MAML2: variants seen among roughly 807,000 people sequenced by gnomAD.
MAML2 encodes the protein mastermind like transcriptional coactivator 2, also known as mastermind-like protein 2.
A neutral mutation model predicts 96.1 loss-of-function variants in MAML2; 22 were observed. That is an observed-to-expected ratio of 0.23 (90% CI 0.16 to 0.33). MAML2 has a LOEUF of 0.33. MAML2 is among the 10% of genes least tolerant of loss of function. The pLI, the probability that MAML2 is intolerant of heterozygous loss-of-function variation, is 1.00. For synonymous variants in MAML2, 561 were observed against 521.3 expected (o/e 1.08, Z -1.04); for missense variants, 1,367 against 1,392.4 (o/e 0.98, Z 0.29).
chr11:95,994,441 T>C (rs760326023), intron 2 of MAML2, among the ~76,000 whole-genome samples: 8 of 152,110 alleles, frequency 5.3e-5, no homozygotes, highest in Middle Eastern at 3.2e-3. Flanking sequence ...TGAGGGTCAT[T>C]GACAGAATGG....
In MAML2 at chr11:96,299,060, A is replaced by AAATATAT. The variant is rs55878534; in HGVS notation, c.513+42322_513+42323insATATATT. Among the ~76,000 whole-genome samples the AAATATAT allele has an allele frequency of 8.2e-4, 46 of 56,336 alleles. 1 individual carries two copies. The highest frequency in any genetic ancestry group is 1.1e-3 in the African/African-American group (12 of 11,182). 37.0% of individuals were successfully genotyped at this position (56,336 alleles called of 152,430 possible). On this transcript the variant is annotated intron_variant, in intron 1 of 4. Coordinates refer to ENST00000524717, the MANE Select transcript of MAML2 (RefSeq NM_032427.4). ...AGTCCATCTCAAAAAAAAAAAAAAAAATATATATATATATATATATAAAAT... is the reference window on the plus strand; with the variant it reads ...AGTCCATCTCAAAAAAAAAAAAAAAAAATATATATATATATATATATATATATAAAAT...
chr11:96,329,793 G>C (rs967366112), intron 1 of MAML2, among the ~76,000 whole-genome samples: 1 of 152,134 alleles, frequency 6.6e-6, no homozygotes, highest in African/African-American at 2.4e-5. Context: ...TGTTGTGAAG[G>C]CTAAGATGGA....
chr11:96,140,103 T>C (rs1473816674), intron 1 of MAML2, among the ~76,000 whole-genome samples: 1 of 152,250 alleles, frequency 6.6e-6, no homozygotes, highest in Non-Finnish European at 1.5e-5. Context: ...CCTGCCTCCA[T>C]AGATGATTTT....
chr11:95,987,166 C>T (rs754628539), intron 3 of MAML2, among the ~76,000 whole-genome samples: 17 of 152,204 alleles, frequency 1.1e-4, no homozygotes, highest in Admixed American at 3.3e-4. Context: ...GTAGCTATCA[C>T]TCATTTAACA....
chr11:96,251,788 G>C (rs1024266383), intron 1 of MAML2, among the ~76,000 whole-genome samples: 5 of 149,524 alleles, frequency 3.3e-5, no homozygotes, highest in Non-Finnish European at 4.4e-5. Flanking sequence ...CTGGAGTGCA[G>C]TGACGCGATC....
chr11:96,181,478 G>T (rs1025465197), intron 1 of MAML2, among the ~76,000 whole-genome samples: 2 of 152,072 alleles, frequency 1.3e-5, no homozygotes, highest in Non-Finnish European at 2.9e-5. Flanking sequence ...TATACTTTGT[G>T]CAACTATATT....
At chr11:96,319,638 T>C (rs1863676606) in intron 1 of MAML2, among the ~76,000 whole-genome samples, 1 of 152,206 alleles carries the variant, frequency 6.6e-6, no homozygotes, top group African/African-American at 2.4e-5. Flanking sequence ...GAATTAGTTA[T>C]GCACAGATAT....
Position 96,110,072 on chromosome 11 carries a change from C to T in MAML2, c.514-16555G>A, listed in dbSNP as rs529981474. Reference sequence around the variant, plus strand: ...GTTTCAAGGAGGGAGTGAGCAACCTCGTCAAATGCTACAGAGGTCACCTGC... The same window carrying T: ...GTTTCAAGGAGGGAGTGAGCAACCTTGTCAAATGCTACAGAGGTCACCTGC... On this transcript the variant is annotated intron_variant, in intron 1 of 4. Transcript: ENST00000524717. 7.2e-5 allele frequency among the ~76,000 whole-genome samples: 11 copies of T among 152,164 alleles called. No homozygotes were observed. In the East Asian group the frequency reaches 1.4e-3, roughly 19 times the overall value.
chr11:96,024,258 T>C (rs1262938066), intron 2 of MAML2, among the ~76,000 whole-genome samples: 1 of 152,262 alleles, frequency 6.6e-6, no homozygotes, highest in Non-Finnish European at 1.5e-5. Context: ...AGAAAGAACA[T>C]GGGCTTACAG....
intron 1 of MAML2, among the ~76,000 whole-genome samples, chr11:96,324,010 T>C (rs1247723118): frequency 1.3e-5 from 2 of 152,266 alleles, no homozygotes; most frequent in Non-Finnish European, 2.9e-5. Flanking sequence ...CTGAATTTCA[T>C]CTGCAGCTTA....
chr11:96,227,390 C>T (rs1158507906), intron 1 of MAML2, among the ~76,000 whole-genome samples: 1 of 152,180 alleles, frequency 6.6e-6, no homozygotes, highest in Admixed American at 6.5e-5. Context: ...AAGTCTCATT[C>T]ACAGCTATAC....
chr11:96,183,359 T>C (rs995344781), intron 1 of MAML2, among the ~76,000 whole-genome samples: 3 of 151,486 alleles, frequency 2.0e-5, no homozygotes, highest in Admixed American at 6.6e-5. Context: ...TTCCTCTCTT[T>C]CTCTCTTCCT....
intron 1 of MAML2, among the ~76,000 whole-genome samples, chr11:96,324,852 C>T (rs1006644559): frequency 2.0e-5 from 3 of 152,134 alleles, no homozygotes; most frequent in African/African-American, 7.2e-5. Context: ...TTCTTTAATT[C>T]AAGATCAAGT....
chr11:96,274,421 A>T (rs1033415523), intron 1 of MAML2, among the ~76,000 whole-genome samples: 2 of 152,046 alleles, frequency 1.3e-5, no homozygotes, highest in African/African-American at 2.4e-5. Context: ...TTCTTTATAG[A>T]CATCTTTACA....
At chr11:96,110,575 G>T (rs1431439918) in intron 1 of MAML2, among the ~76,000 whole-genome samples, 1 of 152,182 alleles carries the variant, frequency 6.6e-6, no homozygotes, top group African/African-American at 2.4e-5. Flanking sequence ...ATCTGAAGCA[G>T]AAAAGATAAG....
intron 1 of MAML2, among the ~76,000 whole-genome samples, chr11:96,134,149 C>A (rs568813305): frequency 5.2e-4 from 79 of 152,318 alleles, no homozygotes; most frequent in Non-Finnish European, 9.3e-4. Context: ...CTATTAGTCT[C>A]TGAATATGAC....
chr11:96,256,415 C>T (rs1004187919), intron 1 of MAML2, among the ~76,000 whole-genome samples: 2 of 152,144 alleles, frequency 1.3e-5, no homozygotes, highest in African/African-American at 4.8e-5. Flanking sequence ...ACATTTCTTC[C>T]TGCCCCACAC....
intron 2 of MAML2, among the ~76,000 whole-genome samples, chr11:96,060,036 T>C (rs1404618279): frequency 2.0e-5 from 3 of 152,130 alleles, no homozygotes; most frequent in African/African-American, 4.8e-5. Context: ...GTGGGTCTAG[T>C]TGGTTGAATA....
At chr11:96,016,154 T>A (rs927545714) in intron 2 of MAML2, among the ~76,000 whole-genome samples, 3 of 151,990 alleles carry the variant, frequency 2.0e-5, no homozygotes, top group Admixed American at 1.3e-4. Context: ...GGTCTCTGTA[T>A]CTCATGTAGA....
Sources: allele counts gnomAD v4.1 joint callset (sites outside exome capture counted in the v4.1 genomes callset), GRCh38; gene constraint gnomAD v4.1.1; transcripts MANE v1.5; gene names NCBI Gene and HGNC (gene_info 2026-07-23, HGNC 2026-07-21).